The following SNTG1 variants were observed in gnomAD, a reference collection of about 807,000 sequenced individuals.
The protein encoded by SNTG1 is syntrophin gamma 1.
In SNTG1, 39 loss-of-function variants were observed where a neutral mutation model predicts 74.7. The ratio of observed to expected loss-of-function variants is 0.52; its 90% CI spans 0.40 to 0.68. The LOEUF is 0.68. Among genes scored for constraint, SNTG1 ranks in the 30% least tolerant of loss-of-function variants. SNTG1 has a pLI of 0.00. For missense variants in SNTG1, 685 were observed against 609.5 expected (o/e 1.12, Z -1.30); for synonymous variants, 254 against 217.1 (o/e 1.17, Z -1.49).
At chr8:50,339,846 A>G (rs1481385038) in intron 2 of SNTG1, among the ~76,000 whole-genome samples, 1 of 152,008 alleles carries the variant, frequency 6.6e-6, no homozygotes, top group Non-Finnish European at 1.5e-5. Context: ...ACTCATTAAA[A>G]TGCTCTAAAT....
intron 1 of SNTG1, among the ~76,000 whole-genome samples, chr8:50,061,103 G>A (rs1820433423): frequency 1.3e-5 from 2 of 152,008 alleles, no homozygotes; most frequent in South Asian, 4.1e-4. Flanking sequence ...TTTATGAAAG[G>A]GGCTGTGTAA....
chr8:50,518,405 G>A (rs1299802871), intron 9 of SNTG1, among the ~76,000 whole-genome samples: 1 of 152,060 alleles, frequency 6.6e-6, no homozygotes, highest in East Asian at 1.9e-4. Context: ...AGCTAGAGAA[G>A]CAAGACCAAA....
intron 2 of SNTG1, among the ~76,000 whole-genome samples, chr8:50,271,677 A>ACATT (rs972075420): frequency 1.4e-4 from 22 of 152,310 alleles, no homozygotes; most frequent in African/African-American, 5.1e-4. Context: ...GGTAGAGAGT[A>ACATT]CATTCGTATG....
intron 13 of SNTG1, among the ~76,000 whole-genome samples, chr8:50,653,089 T>C (rs1475944639): frequency 6.6e-6 from 1 of 151,778 alleles, no homozygotes; most frequent in Non-Finnish European, 1.5e-5. Flanking sequence ...GAATATAGGG[T>C]TTTTCTTTTG....
intron 17 of SNTG1, among the ~76,000 whole-genome samples, chr8:50,711,787 T>G (rs1332493919): frequency 6.6e-6 from 1 of 152,184 alleles, no homozygotes; most frequent in Non-Finnish European, 1.5e-5. Flanking sequence ...GGTGATACAT[T>G]CTTCAGTTCC....
At chr8:50,335,255 G>T (rs561547406) in intron 2 of SNTG1, among the ~76,000 whole-genome samples, 1 of 152,060 alleles carries the variant, frequency 6.6e-6, no homozygotes, top group Non-Finnish European at 1.5e-5. Context: ...CACAAACTTG[G>T]TGGTTTAGAA....
intron 2 of SNTG1, among the ~76,000 whole-genome samples, chr8:50,377,955 G>T (rs190631022): frequency 1.3e-5 from 2 of 152,166 alleles, no homozygotes; most frequent in Non-Finnish European, 2.9e-5. Context: ...TTGAGGTGTC[G>T]CTTTTCCGGA....
chr8:50,154,324 C>T (rs2082179505), intron 1 of SNTG1, among the ~76,000 whole-genome samples: 1 of 152,130 alleles, frequency 6.6e-6, no homozygotes, highest in Non-Finnish European at 1.5e-5. Flanking sequence ...CAGGTACTGT[C>T]TGTCACCGCT....
intron 2 of SNTG1, among the ~76,000 whole-genome samples, chr8:50,206,977 A>G (rs1244369451): frequency 1.3e-5 from 2 of 152,120 alleles, no homozygotes; most frequent in Non-Finnish European, 2.9e-5. Flanking sequence ...CCAGTATTTT[A>G]TTGAGGATTT....
At chr8:50,057,641 T>C (rs1367817990) in intron 1 of SNTG1, among the ~76,000 whole-genome samples, 2 of 152,104 alleles carry the variant, frequency 1.3e-5, no homozygotes, top group Non-Finnish European at 2.9e-5. Flanking sequence ...TCATAAGATA[T>C]ATAGTAAGGC....
intron 2 of SNTG1, among the ~76,000 whole-genome samples, chr8:50,341,818 A>C (rs1005802916): frequency 6.6e-6 from 1 of 152,040 alleles, no homozygotes; most frequent in African/African-American, 2.4e-5. Flanking sequence ...CCATAGGAAC[A>C]TGACAAGATA....
intron 2 of SNTG1, among the ~76,000 whole-genome samples, chr8:50,357,388 G>A (rs2091849681): frequency 6.6e-6 from 1 of 152,296 alleles, no homozygotes; most frequent in South Asian, 2.1e-4. Flanking sequence ...TCTGCGACGT[G>A]CTTTACAGTA....
At chr8:50,337,176 C>T (rs1205703032) in intron 2 of SNTG1, among the ~76,000 whole-genome samples, 1 of 152,156 alleles carries the variant, frequency 6.6e-6, no homozygotes, top group Non-Finnish European at 1.5e-5. Context: ...AACAAGTGAA[C>T]AAACTGTATA....
intron 2 of SNTG1, among the ~76,000 whole-genome samples, chr8:50,200,824 A>G (rs949962722): frequency 6.6e-6 from 1 of 152,164 alleles, no homozygotes; most frequent in Non-Finnish European, 1.5e-5. Flanking sequence ...ACTAGGGCTA[A>G]AAAAAGTAAA....
At chr8:50,450,408 T>C (rs1225815173) in intron 6 of SNTG1, 148 bp from the exon 7 acceptor site, 21 of 764,670 alleles carry the variant, frequency 2.7e-5, no homozygotes, top group Non-Finnish European at 4.1e-5. Flanking sequence ...GTTTCGAATT[T>C]CCATTTTTTG....
intron 18 of SNTG1, among the ~76,000 whole-genome samples, chr8:50,753,004 G>A (rs1236066007): frequency 6.6e-6 from 1 of 151,950 alleles, no homozygotes; most frequent in African/African-American, 2.4e-5. Context: ...GTTGTGTAAT[G>A]TGGGAACTGT....
At chr8:50,066,660 T>C (rs1197470621) in intron 1 of SNTG1, among the ~76,000 whole-genome samples, 1 of 152,244 alleles carries the variant, frequency 6.6e-6, no homozygotes, top group Non-Finnish European at 1.5e-5. Context: ...TCCTTTTCCA[T>C]GTTCCATGTT....
At chr8:50,170,834 C>T (rs1437129890) in intron 1 of SNTG1, among the ~76,000 whole-genome samples, 1 of 152,154 alleles carries the variant, frequency 6.6e-6, no homozygotes, top group Non-Finnish European at 1.5e-5. Flanking sequence ...TGGCCAAGGG[C>T]TGCTCTGGGT....
chr8:50,225,957 A>T (rs981211879), intron 2 of SNTG1, among the ~76,000 whole-genome samples: 2 of 152,212 alleles, frequency 1.3e-5, no homozygotes, highest in African/African-American at 4.8e-5. Flanking sequence ...AATTTACACT[A>T]TTGTTAATTA....
Sources: allele counts gnomAD v4.1 joint callset (sites outside exome capture counted in the v4.1 genomes callset), GRCh38; gene constraint gnomAD v4.1.1; transcripts MANE v1.5; gene names NCBI Gene and HGNC (gene_info 2026-07-23, HGNC 2026-07-21).